MYO1B: variants seen among roughly 807,000 people sequenced by gnomAD.
The protein encoded by MYO1B is unconventional myosin-Ib.
Under a neutral mutation model 159.7 loss-of-function variants are expected in MYO1B, and 72 were observed. The observed-to-expected ratio is 0.45, with a 90% CI of 0.37 to 0.55. MYO1B has a LOEUF of 0.55. Among genes scored for constraint, MYO1B ranks in the 20% least tolerant of loss-of-function variants. MYO1B has a pLI of 0.00. For missense variants in MYO1B, 1,062 were observed against 1,364.8 expected, an observed-to-expected ratio of 0.78 and a Z score of 3.50; for synonymous variants, 468 against 473.8, an observed-to-expected ratio of 0.99 and a Z score of 0.16.
intron 13 of MYO1B, among the ~76,000 whole-genome samples, chr2:191,378,781 C>T (rs189249712): frequency 4.6e-5 from 7 of 151,960 alleles, no homozygotes; most frequent in East Asian, 1.9e-4. Context: ...CTGCTTCAAG[C>T]GGGATTGGGG....
intron 4 of MYO1B, among the ~76,000 whole-genome samples, chr2:191,335,654 A>G (rs1691781321): frequency 6.6e-6 from 1 of 152,206 alleles, no homozygotes; most frequent in South Asian, 2.1e-4. Context: ...GATGATTAAC[A>G]TTTATTGAAG....
intron 23 of MYO1B, chr2:191,402,180 C>T (rs1002713337): frequency 2.6e-5 from 4 of 153,492 alleles, no homozygotes; most frequent in Admixed American, 2.6e-4. Flanking sequence ...CAAGAGTTGT[C>T]TTTTTATCCA....
chr2:191,306,946 T>G (rs892770267), intron 3 of MYO1B, among the ~76,000 whole-genome samples: 2 of 152,168 alleles, frequency 1.3e-5, no homozygotes, highest in African/African-American at 4.8e-5. Flanking sequence ...TAACTGGGTG[T>G]CCAACAGTTC....
intron 4 of MYO1B, among the ~76,000 whole-genome samples, chr2:191,335,117 C>CT (rs1237100404): frequency 6.6e-6 from 1 of 152,168 alleles, no homozygotes; most frequent in African/African-American, 2.4e-5. Context: ...CTTCAGCTGT[C>CT]TGTTATCACT....
At chr2:191,352,507 T>A (rs1044340686) in intron 7 of MYO1B, among the ~76,000 whole-genome samples, 1 of 152,200 alleles carries the variant, frequency 6.6e-6, no homozygotes, top group Non-Finnish European at 1.5e-5. Context: ...AAGTTTAAGT[T>A]CTAAGCACAA....
At chr2:191,272,916 C>T (rs966448427) in intron 1 of MYO1B, among the ~76,000 whole-genome samples, 4 of 152,156 alleles carry the variant, frequency 2.6e-5, no homozygotes, top group Non-Finnish European at 4.4e-5. Flanking sequence ...ACTTCACTTC[C>T]TGGTACCAGT....
chr2:191,304,626 A>C (rs373237337), intron 3 of MYO1B, among the ~76,000 whole-genome samples: 42 of 152,346 alleles, frequency 2.8e-4, no homozygotes, highest in African/African-American at 9.9e-4. Context: ...ATGTACTCTT[A>C]GCAGAAAGAG....
chr2:191,394,044 A>G (rs1574593191), intron 20 of MYO1B, among the ~76,000 whole-genome samples: 1 of 152,366 alleles, frequency 6.6e-6, no homozygotes, highest in East Asian at 1.9e-4. Flanking sequence ...CTATTCTCAC[A>G]TAATACATTT....
chr2:191,393,219 T>G lies in MYO1B; in HGVS notation c.2223T>G (p.Tyr741Ter), dbSNP rs146441596. 11 of 1,613,880 alleles carry G rather than the reference T, an allele frequency of 6.8e-6. No individual in the cohort carries two copies. Among genetic ancestry groups the G allele is most frequent in the East Asian group, 2.2e-5 (1 of 44,902 alleles). The change falls in exon 20 of 31, where the codon TAT becomes TAG. Residue 741 changes from tyrosine to a stop codon, truncating the protein, a stop_gained. Transcript: ENST00000392318. LOFTEE classifies it high-confidence loss of function. Reference sequence around the variant, plus strand: ...TGATTGCCGCCTGGTACAGGAGATATGCGGTAAGAGTCTCAGTCATTTTAA... The same window carrying G: ...TGATTGCCGCCTGGTACAGGAGATAGGCGGTAAGAGTCTCAGTCATTTTAA... Reference protein sequence around the residue: ...QIVIAAWYRRYAQQKRYQQTK... With the variant: ...QIVIAAWYRR
intron 1 of MYO1B, among the ~76,000 whole-genome samples, chr2:191,262,087 T>C (rs1048436650): frequency 1.3e-5 from 2 of 152,220 alleles, no homozygotes; most frequent in African/African-American, 2.4e-5. Flanking sequence ...TAGACTCATC[T>C]GTGATTTCCC....
chr2:191,425,076 T>C lies in MYO1B; in HGVS notation c.*1116T>C, dbSNP rs1000885025. 9 of 152,338 alleles carry C rather than the reference T, an allele frequency of 5.9e-5. No homozygotes were observed. Among genetic ancestry groups the C allele is most frequent in the African/African-American group, 2.2e-4 (9 of 41,432 alleles). The allele number at this position is 152,338 out of a possible 1,614,324, so 9.4% of individuals were successfully genotyped here. On this transcript the variant is annotated 3_prime_UTR_variant, in exon 31 of 31. Coordinates refer to ENST00000392318, the MANE Select transcript of MYO1B (RefSeq NM_001130158.3). ...ATTTTGGAAACTACATTTTAAACTT[T>C]GGAATCAAATTGTTTCTTATTTGGG...
chr2:191,367,665 A>G (rs2126029985), intron 11 of MYO1B, among the ~76,000 whole-genome samples: 1 of 152,362 alleles, frequency 6.6e-6, no homozygotes, highest in Non-Finnish European at 1.5e-5. Flanking sequence ...TAACTAAAAA[A>G]GCTGGACGAC....
At chr2:191,332,037 A>G (rs1691515471) in intron 4 of MYO1B, among the ~76,000 whole-genome samples, 1 of 152,194 alleles carries the variant, frequency 6.6e-6, no homozygotes, top group Non-Finnish European at 1.5e-5. Context: ...ATCTTGGCTC[A>G]CTGCAACCTC....
chr2:191,387,744 A>C, intron 17 of MYO1B: 1 of 393,588 alleles, frequency 2.5e-6, no homozygotes, highest in Non-Finnish European at 4.6e-6. Flanking sequence ...TATTTTTTTA[A>C]TGGCAAGTTA....
rs760266298 is a variant in MYO1B, at chr2:191,396,379, G to A, written c.2227-50G>A. 67 of 1,574,832 alleles carry A rather than the reference G, an allele frequency of 4.3e-5. 1 individual carries two copies. The highest frequency in any genetic ancestry group is 8.1e-5 in the African/African-American group (6 of 73,974). ...ATACCCTTTCTCAATCCTTGTATGCGTTACAGATATTAACTACAACTGCCA... is the reference window on the plus strand; with the variant it reads ...ATACCCTTTCTCAATCCTTGTATGCATTACAGATATTAACTACAACTGCCA... On this transcript the variant is annotated intron_variant, in intron 20 of 30. Coordinates refer to ENST00000392318, the MANE Select transcript of MYO1B (RefSeq NM_001130158.3).
chr2:191,355,308 C>T (rs1693202598), intron 7 of MYO1B, among the ~76,000 whole-genome samples: 1 of 152,218 alleles, frequency 6.6e-6, no homozygotes, highest in Admixed American at 6.5e-5. Flanking sequence ...CTGGCGCCCA[C>T]AATCGTGAGC....
At chr2:191,323,886 G>GA (rs1310571859) in intron 3 of MYO1B, among the ~76,000 whole-genome samples, 5 of 151,948 alleles carry the variant, frequency 3.3e-5, no homozygotes, top group Admixed American at 1.3e-4. Flanking sequence ...AATGAAATTA[G>GA]AAAATTACAT....
chr2:191,391,657 C>A (rs954682559), intron 18 of MYO1B, among the ~76,000 whole-genome samples: 2 of 152,154 alleles, frequency 1.3e-5, no homozygotes, highest in Non-Finnish European at 2.9e-5. Context: ...GGGTAAGGCC[C>A]ACGTTCCTTA....
intron 3 of MYO1B, among the ~76,000 whole-genome samples, chr2:191,319,478 A>G (rs1398849792): frequency 6.6e-6 from 1 of 152,212 alleles, no homozygotes; most frequent in African/African-American, 2.4e-5. Context: ...TTTTAAAATT[A>G]AGACATGGAT....
Sources: gnomAD v4.1 joint callset for allele counts (sites outside exome capture counted in the v4.1 genomes callset) on GRCh38, gnomAD v4.1.1 for gene constraint, MANE v1.5 for transcripts, NCBI Gene and HGNC (gene_info 2026-07-23, HGNC 2026-07-21) for gene names.